Variants in CLINT1 observed in about 807,000 individuals in gnomAD.
CLINT1 encodes clathrin interacting protein localized in the trans-Golgi region.
Under a neutral mutation model 70.4 loss-of-function variants are expected in CLINT1, and 15 were observed. The observed-to-expected ratio is 0.21, with a 90% CI of 0.14 to 0.33. The LOEUF (loss-of-function observed/expected upper bound fraction) is 0.33. CLINT1 is among the 10% of genes least tolerant of loss of function. CLINT1 has a pLI of 1.00. For missense variants in CLINT1, 615 were observed against 778.1 expected (o/e 0.79, Z 2.49); for synonymous variants, 227 against 254.7 (o/e 0.89, Z 1.04).
At chr5:157,855,080 A>G (rs1034527901) in intron 1 of CLINT1, among the ~76,000 whole-genome samples, 1 of 139,300 alleles carries the variant, frequency 7.2e-6, no homozygotes, top group Admixed American at 8.0e-5. Context: ...GGAGGTAGAG[A>G]TTGCAGTGGG....
chr5:157,815,547 G>C (rs183631066), intron 3 of CLINT1, among the ~76,000 whole-genome samples: 3 of 152,052 alleles, frequency 2.0e-5, no homozygotes, highest in Non-Finnish European at 2.9e-5. Flanking sequence ...CGGAAAGGAG[G>C]GGGTGGCAAA....
chr5:157,814,250 C>T lies in CLINT1; in HGVS notation c.287G>A (p.Arg96His), dbSNP rs767607724. 1.3e-5 allele frequency: 21 copies of T among 1,611,000 alleles called. No individual in the cohort carries two copies. The highest frequency in any genetic ancestry group is 3.3e-5 in the South Asian group (3 of 90,546). Reference sequence around the variant, plus strand: ...GTGTTCTCTGGCACTTGTAACAACACGCTCTGATCCATTCCTTATGAGGTA... The same window carrying T: ...GTGTTCTCTGGCACTTGTAACAACATGCTCTGATCCATTCCTTATGAGGTA... ...LAYLIRNGSE[R>H]VVTSAREHIY... The change falls in exon 4 of 12, where the codon CGT (arginine) becomes CAT (histidine). Residue 96 changes from arginine to histidine, a missense_variant. Around this residue, in one of 2 missense-constraint regions of CLINT1, gnomAD observed 241 missense variants for 368.6 expected, o/e 0.65. Coordinates refer to ENST00000411809, the MANE Select transcript of CLINT1 (RefSeq NM_014666.4).
At chr5:157,815,844 T>C (rs1240369873) in intron 3 of CLINT1, among the ~76,000 whole-genome samples, 7 of 152,236 alleles carry the variant, frequency 4.6e-5, no homozygotes, top group Admixed American at 4.6e-4. Flanking sequence ...CAATGCTGAG[T>C]ATTTTTGTAT....
intron 1 of CLINT1, among the ~76,000 whole-genome samples, chr5:157,842,843 C>T (rs986958684): frequency 3.3e-5 from 5 of 152,190 alleles, no homozygotes; most frequent in African/African-American, 9.7e-5. Context: ...AGACTCACAT[C>T]GTTTTGCGTG....
intron 1 of CLINT1, among the ~76,000 whole-genome samples, chr5:157,848,482 A>G (rs866342420): frequency 6.6e-5 from 10 of 151,670 alleles, no homozygotes; most frequent in Admixed American, 1.3e-4. Flanking sequence ...ATAAAGCAGT[A>G]GCAGAGTTTT....
intron 1 of CLINT1, among the ~76,000 whole-genome samples, chr5:157,821,850 A>G (rs1030712252): frequency 1.3e-5 from 2 of 152,364 alleles, no homozygotes; most frequent in African/African-American, 4.8e-5. Context: ...AATGAAGAAT[A>G]CAAGAATAAA....
intron 1 of CLINT1, among the ~76,000 whole-genome samples, chr5:157,831,141 T>G (rs1319038741): frequency 2.0e-5 from 3 of 151,874 alleles, no homozygotes; most frequent in Non-Finnish European, 4.4e-5. Context: ...TTAATAACCC[T>G]CATTTAATAA....
intron 1 of CLINT1, among the ~76,000 whole-genome samples, chr5:157,831,086 T>C (rs1581523371): frequency 1.3e-5 from 2 of 151,984 alleles, no homozygotes; most frequent in South Asian, 4.2e-4. Flanking sequence ...TTTATTGTAA[T>C]CCTTTCAAAA....
chr5:157,845,999 G>A (rs2113315134), intron 1 of CLINT1, among the ~76,000 whole-genome samples: 1 of 152,244 alleles, frequency 6.6e-6, no homozygotes, highest in Non-Finnish European at 1.5e-5. Context: ...AGTTGAATGT[G>A]TCCTGACTGC....
rs1396544320 is a variant in CLINT1 at position 157,785,800 on chromosome 5, A to ATATACT, written c.*1840_*1845dup. 9 of 152,262 alleles carry ATATACT rather than the reference A, an allele frequency of 5.9e-5. No homozygotes were observed. The highest frequency in any genetic ancestry group is 3.4e-3 in the Middle Eastern group (1 of 292). The allele number at this position is 152,262 out of a possible 1,614,324, so 9.4% of individuals were successfully genotyped here. On this transcript the variant is annotated 3_prime_UTR_variant, in exon 12 of 12. Transcript: ENST00000411809. ...ACCATACATATTTGAGAAAGTGAAG[A>ATATACT]TATACTTCTTAAAGAAAAAATTTAC... is the stretch of plus-strand genomic sequence containing the variant.
At chr5:157,814,397 T>C (rs1295548956) in intron 3 of CLINT1, 104 bp from the exon 4 acceptor site, 8 of 784,184 alleles carry the variant, frequency 1.0e-5, no homozygotes, top group Non-Finnish European at 1.4e-5. Flanking sequence ...TAAAGAATCT[T>C]CATGCTGGTG....
At chr5:157,815,522 G>A (rs928057540) in intron 3 of CLINT1, among the ~76,000 whole-genome samples, 1 of 152,086 alleles carries the variant, frequency 6.6e-6, no homozygotes, top group Non-Finnish European at 1.5e-5. Context: ...TCAGGTATAT[G>A]AAAATCTAGT....
In CLINT1 at chr5:157,792,171, G is replaced by T. The variant is rs191722378; in HGVS notation, c.1088-176C>A. On this transcript the variant is annotated intron_variant, in intron 9 of 11. Transcript: ENST00000411809. ...ATAAATATTACACGAGAGTTAACAA[G>T]GTGGCAAAGAAAAAACAAACCTCCC... Among the ~76,000 whole-genome samples the T allele has an allele frequency of 4.7e-4, 72 of 152,156 alleles. 1 individual carries two copies. The highest frequency in any genetic ancestry group is 1.7e-3 in the African/African-American group (71 of 41,522).
chr5:157,828,927 TAAA>T (rs11379662), intron 1 of CLINT1, among the ~76,000 whole-genome samples: 4 of 103,370 alleles, frequency 3.9e-5, no homozygotes, highest in African/African-American at 3.9e-5. Flanking sequence ...TGTCTCTACT[TAAA>T]AAAAAAAAAA....
rs1320396067 is a variant in CLINT1, at chr5:157,837,413, C to CACAA, written c.42-19867_42-19866insTTGT. On this transcript the variant is annotated intron_variant, in intron 1 of 11. Transcript: ENST00000411809. Reference sequence around the variant, plus strand: ...AGGAAGGATGGAATATATGTAAATACACACACACACACACACACACACACA... The same window carrying CACAA: ...AGGAAGGATGGAATATATGTAAATACACAAACACACACACACACACACACACACA... Among the ~76,000 whole-genome samples, 74 of 106,658 alleles carry CACAA rather than the reference C, an allele frequency of 6.9e-4. No individual in the cohort carries two copies. In the East Asian group the frequency reaches 9.5e-3, roughly 14 times the overall value. The allele number at this position is 106,658 out of a possible 152,430, so 70.0% of individuals were successfully genotyped here. A position where few individuals can be genotyped will look rare whatever the true frequency, so the allele number is the denominator to read the frequency against.
intron 1 of CLINT1, among the ~76,000 whole-genome samples, chr5:157,839,020 G>A (rs1270408614): frequency 6.6e-6 from 1 of 151,508 alleles, no homozygotes; most frequent in African/African-American, 2.4e-5. Flanking sequence ...CTTGAGCCCA[G>A]GAGTTTGAGA....
intron 1 of CLINT1, among the ~76,000 whole-genome samples, chr5:157,854,206 A>C (rs1753672163): frequency 6.6e-6 from 1 of 152,216 alleles, no homozygotes; most frequent in South Asian, 2.1e-4. Flanking sequence ...AAAGAAAAGA[A>C]AAGAAAAATA....
chr5:157,818,234 A>C (rs1023567082), intron 1 of CLINT1, among the ~76,000 whole-genome samples: 10 of 152,256 alleles, frequency 6.6e-5, no homozygotes, highest in Admixed American at 5.2e-4. Context: ...AGGAGTCAGA[A>C]AGATCTGATT....
intron 1 of CLINT1, among the ~76,000 whole-genome samples, chr5:157,838,453 T>C (rs1389328133): frequency 9.2e-5 from 14 of 152,176 alleles, no homozygotes; most frequent in Admixed American, 9.2e-4. Context: ...TCAAATGAAT[T>C]ATATATTTAC....
Sources: gnomAD v4.1 joint callset for allele counts (sites outside exome capture counted in the v4.1 genomes callset) on GRCh38, gnomAD v4.1.1 for gene constraint, gnomAD v4.1.1 regional missense constraint, MANE v1.5 for transcripts, NCBI Gene and HGNC (gene_info 2026-07-23, HGNC 2026-07-21) for gene names.